Variants in TBC1D32 observed in about 807,000 individuals in gnomAD.
TBC1D32 encodes protein broad-minded.
Under a neutral mutation model 170.3 loss-of-function variants are expected in TBC1D32, and 151 were observed. The observed-to-expected ratio is 0.89, with a 90% CI of 0.78 to 1.01. The LOEUF is 1.01. Among genes scored for constraint, TBC1D32 ranks in the 50% least tolerant of loss-of-function variants. TBC1D32 has a pLI of 0.00. For missense variants in TBC1D32, 1,464 were observed against 1,457.1 expected (o/e 1.00, Z -0.08); for synonymous variants, 498 against 488.0 (o/e 1.02, Z -0.27).
chr6:121,089,809 A>G (rs1489272274), intron 31 of TBC1D32, among the ~76,000 whole-genome samples: 2 of 152,210 alleles, frequency 1.3e-5, no homozygotes, highest in Non-Finnish European at 2.9e-5. Flanking sequence ...ATTTACATAG[A>G]AACTGTTTGT....
chr6:121,331,345 A>ATTACC (rs1349711504), intron 1 of TBC1D32, among the ~76,000 whole-genome samples: 1 of 150,128 alleles, frequency 6.7e-6, no homozygotes, highest in Non-Finnish European at 1.5e-5. Flanking sequence ...AGTAGCTGGG[A>ATTACC]TTACCAGCAC....
chr6:121,288,132 A>G (rs1268856822), intron 12 of TBC1D32, among the ~76,000 whole-genome samples: 1 of 152,228 alleles, frequency 6.6e-6, no homozygotes, highest in East Asian at 1.9e-4. Flanking sequence ...AGCTAGCAGA[A>G]GGCAAGAAAT....
At chr6:121,304,862 C>A (rs759890057) in intron 5 of TBC1D32, 29 bp from the exon 6 acceptor site, 3 of 1,457,456 alleles carry the variant, frequency 2.1e-6, no homozygotes, top group Admixed American at 1.9e-5. Flanking sequence ...AAATTTGCAT[C>A]TAAGATCTCA....
At chr6:121,296,823 C>T (rs981402490) in intron 10 of TBC1D32, among the ~76,000 whole-genome samples, 1 of 152,098 alleles carries the variant, frequency 6.6e-6, no homozygotes, top group African/African-American at 2.4e-5. Context: ...TAAAATAATA[C>T]ACTTAAGAGA....
At chr6:121,170,041 G>A (rs1786737797) in intron 22 of TBC1D32, among the ~76,000 whole-genome samples, 1 of 151,986 alleles carries the variant, frequency 6.6e-6, no homozygotes, top group South Asian at 2.1e-4. Flanking sequence ...AATAGCAGCT[G>A]AATTAAAAGG....
At chr6:121,275,299 T>A (rs1314002274) in intron 15 of TBC1D32, among the ~76,000 whole-genome samples, 4 of 152,076 alleles carry the variant, frequency 2.6e-5, no homozygotes, top group African/African-American at 9.7e-5. Flanking sequence ...CAAAAATAGC[T>A]GAAAGTAGTT....
At chr6:121,287,204 T>G (rs1804004155) in intron 12 of TBC1D32, among the ~76,000 whole-genome samples, 1 of 151,826 alleles carries the variant, frequency 6.6e-6, no homozygotes, top group African/African-American at 2.4e-5. Flanking sequence ...AGACACGGAG[T>G]AGCAAATTAG....
intron 22 of TBC1D32, among the ~76,000 whole-genome samples, chr6:121,172,775 A>T (rs553819307): frequency 6.6e-6 from 1 of 152,304 alleles, no homozygotes; most frequent in Non-Finnish European, 1.5e-5. Flanking sequence ...TTTCTCCTTT[A>T]TCATGTGACG....
chr6:121,162,418 C>G (rs115917948), intron 22 of TBC1D32, among the ~76,000 whole-genome samples: 170 of 152,124 alleles, frequency 1.1e-3, no homozygotes, highest in African/African-American at 4.0e-3. Flanking sequence ...TAATAAGCAC[C>G]ATATATGACA....
At chr6:121,089,213 T>C (rs1335365646) in intron 31 of TBC1D32, among the ~76,000 whole-genome samples, 1 of 152,180 alleles carries the variant, frequency 6.6e-6, no homozygotes, top group African/African-American at 2.4e-5. Context: ...TTGTTTGATA[T>C]ATTGTTGAAA....
At chr6:121,277,951 A>T (rs2128440272) in intron 15 of TBC1D32, among the ~76,000 whole-genome samples, 1 of 152,120 alleles carries the variant, frequency 6.6e-6, no homozygotes, top group East Asian at 1.9e-4. Flanking sequence ...CATTTCAATG[A>T]TATTAACAGG....
chr6:121,249,265 A>G (rs1256032362), intron 17 of TBC1D32, among the ~76,000 whole-genome samples: 1 of 151,730 alleles, frequency 6.6e-6, no homozygotes, highest in Non-Finnish European at 1.5e-5. Flanking sequence ...AAAATCTAGC[A>G]CCCCTTTAGA....
chr6:121,223,276 T>C lies in TBC1D32; in HGVS notation c.2441A>G (p.Lys814Arg). 6.3e-7 allele frequency: 1 copy of C among 1,591,644 alleles called. No homozygotes were observed. Among genetic ancestry groups the C allele is most frequent in the Non-Finnish European group, 8.5e-7 (1 of 1,172,434 alleles). Residue 814 changes from lysine to arginine, a missense_variant, in exon 21 of 32, where the codon AAA becomes AGA. Transcript: ENST00000398212. ...GACTTCACGAAGAGAATATTCTGTT[T>C]TATTAGGAAGATCTTGATTCCTTAC... ...ELVRNQDLPN[K>R]TEYSLREVPT...
At chr6:121,146,037 T>C (rs1783393255) in intron 24 of TBC1D32, among the ~76,000 whole-genome samples, 1 of 152,108 alleles carries the variant, frequency 6.6e-6, no homozygotes, top group African/African-American at 2.4e-5. Context: ...GTAGGCAAGA[T>C]CAAAAGTGAG....
rs138046346 is a variant in TBC1D32 at position 121,098,599 on chromosome 6, T to G, written c.3465+7424A>C. 2.7e-4 allele frequency among the ~76,000 whole-genome samples: 41 copies of G among 152,192 alleles called. No individual in the cohort carries two copies. The East Asian group carries it at 7.1e-3, about 26-fold the overall frequency. ...TCTGTTGCACTTCTAGGCAAAACAC[T>G]GTGTCAGAAAATCAAGGGACCTGAA... is the stretch of plus-strand genomic sequence containing the variant. On this transcript the variant is annotated intron_variant, in intron 30 of 31. Coordinates refer to ENST00000398212, the MANE Select transcript of TBC1D32 (RefSeq NM_152730.6).
At position 121,198,326 on chromosome 6, in the gene TBC1D32, G is replaced by A. The variant is rs1046887641; in HGVS notation, c.2570+6749C>T. Among the ~76,000 whole-genome samples the A allele has an allele frequency of 2.1e-5, 3 of 142,814 alleles. No homozygotes were observed. The East Asian group carries it at 5.9e-4, about 28-fold the overall frequency. The allele number at this position is 142,814 out of a possible 152,430, so 93.7% of individuals were successfully genotyped here. A position where few individuals can be genotyped will look rare whatever the true frequency, so the allele number is the denominator to read the frequency against. On this transcript the variant is annotated intron_variant, in intron 22 of 31. Coordinates refer to ENST00000398212, the MANE Select transcript of TBC1D32 (RefSeq NM_152730.6). ...TATCCTATAAGTTTGGTCCCTCTAA[G>A]GAACTCTGACTAATACAGGGCATAT... is the stretch of plus-strand genomic sequence containing the variant.
intron 24 of TBC1D32, among the ~76,000 whole-genome samples, chr6:121,145,725 C>A (rs1298087542): frequency 6.6e-6 from 1 of 151,994 alleles, no homozygotes; most frequent in Non-Finnish European, 1.5e-5. Flanking sequence ...ATATAGAATG[C>A]TTATCAATTA....
chr6:121,176,234 G>A (rs1787743865), intron 22 of TBC1D32, among the ~76,000 whole-genome samples: 2 of 152,070 alleles, frequency 1.3e-5, no homozygotes, highest in African/African-American at 2.4e-5. Flanking sequence ...CACTAAGAAG[G>A]TGATAACCTT....
intron 30 of TBC1D32, among the ~76,000 whole-genome samples, chr6:121,092,875 T>G (rs906109960): frequency 2.0e-5 from 3 of 152,166 alleles, no homozygotes; most frequent in Admixed American, 2.0e-4. Flanking sequence ...AGGTGAGTTT[T>G]GAACAGACAC....
Sources: gnomAD v4.1 joint callset for allele counts (sites outside exome capture counted in the v4.1 genomes callset) on GRCh38, gnomAD v4.1.1 for gene constraint, MANE v1.5 for transcripts, NCBI Gene and HGNC (gene_info 2026-07-23, HGNC 2026-07-21) for gene names.